FGGY: variants seen among roughly 807,000 people sequenced by gnomAD.
FGGY encodes FGGY carbohydrate kinase domain containing.
In FGGY, 72 loss-of-function variants were observed where a neutral mutation model predicts 71.3. The observed-to-expected ratio is 1.01, with a 90% CI of 0.84 to 1.23. The LOEUF is 1.23. Ranked by LOEUF, FGGY falls within the 50% of genes most tolerant of loss-of-function variation. FGGY has a pLI of 0.00. For synonymous variants in FGGY, 251 were observed against 250.3 expected (o/e 1.00, Z -0.02); for missense variants, 668 against 682.3 (o/e 0.98, Z 0.23).
intron 14 of FGGY, among the ~76,000 whole-genome samples, chr1:59,722,280 C>T (rs1356185529): frequency 2.0e-5 from 3 of 151,940 alleles, no homozygotes; most frequent in Admixed American, 6.6e-5. Context: ...TGTAACTTAT[C>T]GCTATTGATG....
intron 14 of FGGY, chr1:59,755,134 G>A (rs981163651): frequency 1.3e-5 from 2 of 152,124 alleles, no homozygotes; most frequent in African/African-American, 4.8e-5. Context: ...TCAATGAAAG[G>A]TTTAAGAGTT....
chr1:59,489,285 A>G (rs1321927291), intron 6 of FGGY, among the ~76,000 whole-genome samples: 2 of 152,116 alleles, frequency 1.3e-5, no homozygotes, highest in East Asian at 3.9e-4. Context: ...AACTATAGTT[A>G]TTCTACAGTG....
intron 14 of FGGY, among the ~76,000 whole-genome samples, chr1:59,694,591 A>G (rs984901943): frequency 1.3e-5 from 2 of 152,154 alleles, no homozygotes; most frequent in Admixed American, 6.5e-5. Flanking sequence ...CAAGGTCTCC[A>G]CAGGCCAGGA....
intron 5 of FGGY, among the ~76,000 whole-genome samples, chr1:59,388,517 G>A (rs1476264035): frequency 6.6e-6 from 1 of 152,138 alleles, no homozygotes; most frequent in Admixed American, 6.5e-5. Context: ...AGCAGCAGGA[G>A]AAGAAGGGAG....
chr1:59,350,887 TAGCTCACTATATCCCATCTACAGG>T (rs1357894070), intron 4 of FGGY, among the ~76,000 whole-genome samples: 1 of 152,218 alleles, frequency 6.6e-6, no homozygotes, highest in Non-Finnish European at 1.5e-5. Context: ...TTTTACATCC[TAGCTCACTATATCCCATCTACAGG>T]AATCCACTTA....
At chr1:59,559,669 T>C (rs1428103704) in intron 8 of FGGY, among the ~76,000 whole-genome samples, 2 of 152,082 alleles carry the variant, frequency 1.3e-5, no homozygotes, top group African/African-American at 2.4e-5. Flanking sequence ...ATAGGAAATA[T>C]ACAAGATGAG....
At chr1:59,582,672 A>G (rs543499551) in intron 8 of FGGY, among the ~76,000 whole-genome samples, 1 of 142,882 alleles carries the variant, frequency 7.0e-6, no homozygotes, top group South Asian at 2.4e-4. Context: ...ATGTGCATCC[A>G]TGGTACATAC....
At chr1:59,361,948 G>C (rs999105335) in intron 4 of FGGY, among the ~76,000 whole-genome samples, 1 of 152,116 alleles carries the variant, frequency 6.6e-6, no homozygotes, top group African/African-American at 2.4e-5. Context: ...GGGGGGTGGC[G>C]TGTGACTCAG....
At chr1:59,460,404 C>T (rs1316085514) in intron 6 of FGGY, among the ~76,000 whole-genome samples, 1 of 152,188 alleles carries the variant, frequency 6.6e-6, no homozygotes, top group East Asian at 1.9e-4. Flanking sequence ...CTCGGAAGCT[C>T]GAACTGGGTG....
At chr1:59,643,822 A>G (rs1225914146) in intron 11 of FGGY, among the ~76,000 whole-genome samples, 3 of 152,188 alleles carry the variant, frequency 2.0e-5, no homozygotes, top group Non-Finnish European at 4.4e-5. Context: ...GGCACCAAAT[A>G]ATTGCCTTAT....
At chr1:59,760,107 A>G (rs1574109915) in intron 15 of FGGY, among the ~76,000 whole-genome samples, 1 of 152,210 alleles carries the variant, frequency 6.6e-6, no homozygotes. Flanking sequence ...CTCAACAACA[A>G]CAAAAAAGCA....
intron 6 of FGGY, among the ~76,000 whole-genome samples, chr1:59,461,289 G>A (rs1439309813): frequency 1.3e-5 from 2 of 152,146 alleles, no homozygotes; most frequent in African/African-American, 4.8e-5. Flanking sequence ...AGCTTCAATA[G>A]CCAATTCAAT....
At chr1:59,630,350 A>G (rs75858822) in intron 10 of FGGY, among the ~76,000 whole-genome samples, 1 of 152,094 alleles carries the variant, frequency 6.6e-6, no homozygotes, top group Non-Finnish European at 1.5e-5. Flanking sequence ...GGTGGTTGCT[A>G]TGGGTTCAAG....
chr1:59,613,238 A>G (rs2096710415), intron 9 of FGGY, among the ~76,000 whole-genome samples: 1 of 152,230 alleles, frequency 6.6e-6, no homozygotes, highest in Admixed American at 6.5e-5. Flanking sequence ...AATTGACCAC[A>G]TAGTTGGAAG....
At chr1:59,553,179 A>T (rs2095635310) in intron 7 of FGGY, among the ~76,000 whole-genome samples, 1 of 152,148 alleles carries the variant, frequency 6.6e-6, no homozygotes, top group Non-Finnish European at 1.5e-5. Flanking sequence ...CTGGGAGCTG[A>T]TGAGGTCAGC....
At chr1:59,406,366 C>T (rs1169314801) in intron 5 of FGGY, among the ~76,000 whole-genome samples, 1 of 151,952 alleles carries the variant, frequency 6.6e-6, no homozygotes, top group African/African-American at 2.4e-5. Context: ...CCATGTTTTT[C>T]TCATTTTTGT....
At chr1:59,328,930 A>G (rs1055929811) in intron 2 of FGGY, among the ~76,000 whole-genome samples, 2 of 152,134 alleles carry the variant, frequency 1.3e-5, no homozygotes, top group African/African-American at 4.8e-5. Context: ...CCCAAAACAA[A>G]TGCAATAGTA....
chr1:59,363,066 A>G (rs1302156959), intron 4 of FGGY, among the ~76,000 whole-genome samples: 1 of 152,220 alleles, frequency 6.6e-6, no homozygotes, highest in East Asian at 1.9e-4. Flanking sequence ...ACCCACACGT[A>G]ATTTGAGAAG....
chr1:59,596,689 T>C (rs1432346590), intron 8 of FGGY, among the ~76,000 whole-genome samples: 2 of 152,208 alleles, frequency 1.3e-5, no homozygotes, highest in Non-Finnish European at 2.9e-5. Context: ...ACCCTGCTGA[T>C]TGCAGTGGCT....
Sources: allele counts gnomAD v4.1 joint callset (sites outside exome capture counted in the v4.1 genomes callset), GRCh38; gene constraint gnomAD v4.1.1; transcripts MANE v1.5; gene names NCBI Gene and HGNC (gene_info 2026-07-23, HGNC 2026-07-21).